Variants in ABTB3 observed in about 807,000 individuals in gnomAD.
The protein encoded by ABTB3 is ankyrin repeat and BTB domain containing 3, also known as ankyrin repeat- and BTB/POZ domain-containing protein 3.
the ABTB3 span, among the ~76,000 whole-genome samples, chr12:107,508,374 TGCCCC>T: frequency 6.7e-6 from 1 of 149,620 alleles, no homozygotes; most frequent in African/African-American, 2.4e-5. Context: ...TCCAAAAAGC[TGCCCC>T]CTCATTATTT....
At chr12:107,347,689 ACTG>A in the ABTB3 span, among the ~76,000 whole-genome samples, 1 of 152,052 alleles carries the variant, frequency 6.6e-6, no homozygotes, top group Non-Finnish European at 1.5e-5. Context: ...TACGTTCAAA[ACTG>A]ACAGTGTCAC....
chr12:107,586,547 G>A, the ABTB3 span, among the ~76,000 whole-genome samples: 3 of 152,122 alleles, frequency 2.0e-5, no homozygotes, highest in Non-Finnish European at 2.9e-5. Context: ...TCCATGCCAC[G>A]GCCCTGTGGT....
At chr12:107,331,777 C>T in the ABTB3 span, among the ~76,000 whole-genome samples, 1 of 152,200 alleles carries the variant, frequency 6.6e-6, no homozygotes, top group East Asian at 1.9e-4. Flanking sequence ...GAAGCCCTCC[C>T]CACCCTCGTC....
the ABTB3 span, among the ~76,000 whole-genome samples, chr12:107,425,240 C>A: frequency 6.6e-6 from 1 of 152,172 alleles, no homozygotes; most frequent in African/African-American, 2.4e-5. Context: ...CCCTTTGTCT[C>A]CTGGATTGCA....
chr12:107,548,765 A>G, the ABTB3 span, among the ~76,000 whole-genome samples: 1 of 152,238 alleles, frequency 6.6e-6, no homozygotes, highest in Non-Finnish European at 1.5e-5. Flanking sequence ...ATGTGAGGGT[A>G]CTGTTTTCAA....
chr12:107,579,189 C>G, the ABTB3 span, among the ~76,000 whole-genome samples: 2 of 152,200 alleles, frequency 1.3e-5, no homozygotes, highest in Admixed American at 1.3e-4. Flanking sequence ...GGGCTTGAAG[C>G]CTTACAGACA....
the ABTB3 span, among the ~76,000 whole-genome samples, chr12:107,522,162 A>T: frequency 6.6e-6 from 1 of 151,940 alleles, no homozygotes; most frequent in Non-Finnish European, 1.5e-5. Flanking sequence ...CATCATGACG[A>T]TCCGCCCTCA....
the ABTB3 span, among the ~76,000 whole-genome samples, chr12:107,597,684 A>G: frequency 6.6e-6 from 1 of 152,230 alleles, no homozygotes; most frequent in African/African-American, 2.4e-5. Flanking sequence ...GCCAGCTGCC[A>G]TAACAGAGTG....
the ABTB3 span, among the ~76,000 whole-genome samples, chr12:107,595,140 ATG>A: frequency 6.6e-6 from 1 of 152,074 alleles, no homozygotes; most frequent in Non-Finnish European, 1.5e-5. Flanking sequence ...TGGAAAAAAG[ATG>A]GATTTTGTTC....
chr12:107,654,832 A>ACACACACACACG, the ABTB3 span, among the ~76,000 whole-genome samples: 9 of 147,358 alleles, frequency 6.1e-5, no homozygotes, highest in South Asian at 2.1e-4. Context: ...ACACACACAC[A>ACACACACACACG]CACACACACA....
chr12:107,506,549 A>G, the ABTB3 span, among the ~76,000 whole-genome samples: 2 of 152,254 alleles, frequency 1.3e-5, no homozygotes, highest in Non-Finnish European at 2.9e-5. Context: ...CCATGAAAAA[A>G]AAAAGGTCTT....
the ABTB3 span, among the ~76,000 whole-genome samples, chr12:107,374,496 C>T: frequency 6.6e-6 from 1 of 152,126 alleles, no homozygotes; most frequent in East Asian, 1.9e-4. Flanking sequence ...CCAGGGGAGG[C>T]CCTTTTCCTG....
chr12:107,472,612 T>C, the ABTB3 span, among the ~76,000 whole-genome samples: 9 of 152,228 alleles, frequency 5.9e-5, no homozygotes, highest in Admixed American at 3.3e-4. Context: ...AAATACTACC[T>C]GAGAAAGGCT....
the ABTB3 span, among the ~76,000 whole-genome samples, chr12:107,389,008 C>A: frequency 0.24 from 35,992 of 152,040 alleles, 4,405 homozygotes; most frequent in Admixed American, 0.29. Context: ...AGTGAACCAA[C>A]ATTAAAACTC....
the ABTB3 span, among the ~76,000 whole-genome samples, chr12:107,462,434 G>T: frequency 9.2e-5 from 14 of 152,336 alleles, no homozygotes; most frequent in African/African-American, 3.1e-4. Flanking sequence ...GGGCCACATT[G>T]TGCTAGACTT....
chr12:107,652,952 C>A, the ABTB3 span, among the ~76,000 whole-genome samples: 1 of 152,054 alleles, frequency 6.6e-6, no homozygotes. Context: ...ACTCTTGTTG[C>A]CCAGGCTGAA....
the ABTB3 span, chr12:107,581,322 CG>C: frequency 8.5e-6 from 11 of 1,289,130 alleles, no homozygotes; most frequent in Non-Finnish European, 9.8e-6. Context: ...CGGGGGCGGG[CG>C]GGGGGCGGCA....
chr12:107,396,774 C>G, the ABTB3 span, among the ~76,000 whole-genome samples: 2 of 152,168 alleles, frequency 1.3e-5, no homozygotes, highest in Non-Finnish European at 2.9e-5. Context: ...CAAAATCCCT[C>G]TTGGTAGCCA....
At chr12:107,649,248 C>T in the ABTB3 span, 1 of 1,613,750 alleles carries the variant, frequency 6.2e-7, no homozygotes, top group Non-Finnish European at 8.5e-7. Context: ...AGAGTCACTG[C>T]TCATTAAAAA....
Sources: allele counts gnomAD v4.1 joint callset (sites outside exome capture counted in the v4.1 genomes callset), GRCh38; gene constraint gnomAD v4.1.1; transcripts MANE v1.5; gene names NCBI Gene and HGNC (gene_info 2026-07-23, HGNC 2026-07-21).